Variants in SERPINE2 observed in about 807,000 individuals in gnomAD.
The protein encoded by SERPINE2 is glia-derived nexin.
SERPINE2 carries 14 observed loss-of-function variants against 36.3 expected under a neutral mutation model. The observed-to-expected ratio is 0.39, with a 90% CI of 0.25 to 0.60. SERPINE2 has a LOEUF of 0.60. SERPINE2 is among the 20% of genes least tolerant of loss of function. SERPINE2 has a pLI of 0.57. For synonymous variants in SERPINE2, 192 were observed against 191.8 expected (o/e 1.00, Z -0.01); for missense variants, 418 against 499.6 (o/e 0.84, Z 1.56).
chr2:224,007,585 T>A lies in SERPINE2; in HGVS notation c.-22-5663A>T, dbSNP rs147451822. On this transcript the variant is annotated intron_variant, in intron 1 of 8. Coordinates refer to ENST00000409304, the MANE Select transcript of SERPINE2 (RefSeq NM_001136528.2). Reference sequence around the variant, plus strand: ...GGATTTAAAATAGATATCCATGACATCATTATCACACCGCAAAATAACTCC... The same window carrying A: ...GGATTTAAAATAGATATCCATGACAACATTATCACACCGCAAAATAACTCC... Among the ~76,000 whole-genome samples the A allele has an allele frequency of 4.5e-3, 685 of 152,300 alleles. 5 individuals are homozygous for A. The highest frequency in any genetic ancestry group is 0.012 in the African/African-American group (510 of 41,552).
rs1380675632 is a variant in SERPINE2, at chr2:223,998,311, C to T, written c.291G>A (p.Lys97=). ...CTTTATTCTTCTTGGAGACGATGGC[C>T]TTGTTGATCTTCTTTAATATTTTAC... ...GVGKILKKIN[K]AIVSKKNKDI... is the part of the protein sequence containing the mutation. The change falls in exon 3 of 9, where the codon AAG becomes AAA. Residue 97 remains lysine, a synonymous_variant. Coordinates refer to ENST00000409304, the MANE Select transcript of SERPINE2 (RefSeq NM_001136528.2). The T allele has an allele frequency of 6.2e-7, 1 of 1,613,742 alleles. No individual in the cohort carries two copies. The highest frequency in any genetic ancestry group is 8.5e-7 in the Non-Finnish European group (1 of 1,179,628).
chr2:224,004,535 A>T (rs775495495), intron 1 of SERPINE2, among the ~76,000 whole-genome samples: 3 of 152,166 alleles, frequency 2.0e-5, no homozygotes. Flanking sequence ...CTCTAATGCC[A>T]CGACAATCCC....
Position 224,022,334 on chromosome 2 carries a change from G to GA in SERPINE2, c.-23+16764dup, listed in dbSNP as rs11283961. ...GTGATAGAGTGAGACCCTGTCTCAAGAAAAAAAAAAAAAAAAAATTTAAAG... is the reference window on the plus strand; with the variant it reads ...GTGATAGAGTGAGACCCTGTCTCAAGAAAAAAAAAAAAAAAAAAATTTAAAG... On this transcript the variant is annotated intron_variant, in intron 1 of 8. Transcript: ENST00000409304. 1.8e-4 allele frequency among the ~76,000 whole-genome samples: 22 copies of GA among 123,488 alleles called. No individual in the cohort carries two copies. The East Asian group carries it at 1.9e-3, about 11-fold the overall frequency. The allele number at this position is 123,488 out of a possible 152,430, so 81.0% of individuals were successfully genotyped here.
intron 1 of SERPINE2, chr2:224,030,842 G>T: frequency 2.3e-6 from 1 of 430,794 alleles, no homozygotes; most frequent in African/African-American, 2.1e-5. Flanking sequence ...TTATTCGCTT[G>T]GACTCTTGTG....
chr2:223,982,120 T>A (rs1193265307), intron 6 of SERPINE2: 1 of 149,890 alleles, frequency 6.7e-6, no homozygotes, highest in Non-Finnish European at 1.5e-5. Flanking sequence ...TATGTACACA[T>A]CATGGAATAC....
intron 2 of SERPINE2, 70 bp from the exon 3 acceptor site, chr2:223,998,412 G>A: frequency 8.2e-7 from 1 of 1,225,896 alleles, no homozygotes; most frequent in Non-Finnish European, 1.2e-6. Flanking sequence ...AATCTTTTAT[G>A]TTGCAGCAAG....
chr2:224,037,870 G>A (rs1453638362), intron 1 of SERPINE2, among the ~76,000 whole-genome samples: 1 of 152,132 alleles, frequency 6.6e-6, no homozygotes, highest in East Asian at 1.9e-4. Context: ...GCCCTGCATG[G>A]TACGATATTT....
In SERPINE2 at chr2:223,998,314, G is replaced by A. The variant is rs146543556; in HGVS notation, c.288C>T (p.Asn96=). ...TATTCTTCTTGGAGACGATGGCCTTGTTGATCTTCTTTAATATTTTACCAA... is the reference window on the plus strand; with the variant it reads ...TATTCTTCTTGGAGACGATGGCCTTATTGATCTTCTTTAATATTTTACCAA... The part of the protein sequence containing the change: ...NGVGKILKKI[N]KAIVSKKNKD... Residue 96 remains asparagine (N), a synonymous_variant, in exon 3 of 9, where the codon AAC becomes AAT. Coordinates refer to ENST00000409304, the MANE Select transcript of SERPINE2 (RefSeq NM_001136528.2). 4 of 1,613,642 alleles carry A rather than the reference G, an allele frequency of 2.5e-6. No homozygotes were observed. Among genetic ancestry groups the A allele is most frequent in the Non-Finnish European group, 3.4e-6 (4 of 1,179,510 alleles).
chr2:224,025,956 G>T (rs189863803), intron 1 of SERPINE2, among the ~76,000 whole-genome samples: 5 of 152,208 alleles, frequency 3.3e-5, no homozygotes, highest in African/African-American at 1.2e-4. Context: ...CTTGCCAACC[G>T]CAGAGCTGGG....
Position 224,024,127 on chromosome 2 carries a change from T to C in SERPINE2, c.-23+14972A>G, listed in dbSNP as rs561068402. Among the ~76,000 whole-genome samples, 4 of 152,236 alleles carry C rather than the reference T, an allele frequency of 2.6e-5. No individual in the cohort carries two copies. In the East Asian group the frequency reaches 7.7e-4, roughly 29 times the overall value. On this transcript the variant is annotated intron_variant, in intron 1 of 8. Transcript: ENST00000409304. ...ACAAGGTATAGAAATACTTCTAAAGTAGGAAAAGGGAATGAGGGATGGGGA... is the reference window on the plus strand; with the variant it reads ...ACAAGGTATAGAAATACTTCTAAAGCAGGAAAAGGGAATGAGGGATGGGGA...
At chr2:224,015,053 C>G (rs2106184154) in intron 1 of SERPINE2, among the ~76,000 whole-genome samples, 1 of 148,792 alleles carries the variant, frequency 6.7e-6, no homozygotes, top group East Asian at 2.0e-4. Flanking sequence ...AGGTGGGGGC[C>G]AGGGAGGGTG....
At chr2:223,998,457 C>A in intron 2 of SERPINE2, 115 bp from the exon 3 acceptor site, 1 of 709,618 alleles carries the variant, frequency 1.4e-6, no homozygotes, top group South Asian at 1.9e-5. Flanking sequence ...GTGGCTCACA[C>A]CTGTAATCCC....
At chr2:223,998,819 G>C (rs906460595) in intron 2 of SERPINE2, among the ~76,000 whole-genome samples, 2 of 152,118 alleles carry the variant, frequency 1.3e-5, no homozygotes, top group African/African-American at 4.8e-5. Context: ...GGAGGGAGTG[G>C]GGTTAAAGTC....
chr2:224,018,746 T>G (rs1691885186), intron 1 of SERPINE2, among the ~76,000 whole-genome samples: 1 of 152,184 alleles, frequency 6.6e-6, no homozygotes, highest in African/African-American at 2.4e-5. Flanking sequence ...CCACCAACTG[T>G]TCATCCAAGA....
At position 224,011,403 on chromosome 2, in the gene SERPINE2, C is replaced by T. The variant is rs116574128; in HGVS notation, c.-22-9481G>A. On this transcript the variant is annotated intron_variant, in intron 1 of 8. Coordinates refer to ENST00000409304, the MANE Select transcript of SERPINE2 (RefSeq NM_001136528.2). ...ATTGGTAAAAATACATAAAATACAA[C>T]CATGAATTCTTAAACATGTCAATAA... Among the ~76,000 whole-genome samples, 571 of 152,272 alleles carry T rather than the reference C, an allele frequency of 3.7e-3. 3 individuals are homozygous for T. The highest frequency in any genetic ancestry group is 0.013 in the African/African-American group (536 of 41,568).
At chr2:223,991,736 T>G in intron 4 of SERPINE2, 67 bp downstream of exon 4, 2 of 1,503,232 alleles carry the variant, frequency 1.3e-6, no homozygotes, top group Non-Finnish European at 1.8e-6. Flanking sequence ...GGAATTAAGT[T>G]AAAGCACTCA....
chr2:224,031,545 G>A (rs1011722460), intron 1 of SERPINE2: 19 of 978,006 alleles, frequency 1.9e-5, no homozygotes, highest in South Asian at 4.7e-5. Context: ...ATTGGTACAC[G>A]GAAGGGCATG....
At chr2:224,013,533 TA>T (rs1236442018) in intron 1 of SERPINE2, among the ~76,000 whole-genome samples, 2 of 152,280 alleles carry the variant, frequency 1.3e-5, no homozygotes, top group Non-Finnish European at 2.9e-5. Context: ...GGTAACTGGA[TA>T]AAATTGGTTT....
chr2:223,977,755 A>G, intron 7 of SERPINE2, 128 bp from the exon 8 acceptor site: 1 of 674,462 alleles, frequency 1.5e-6, no homozygotes, highest in South Asian at 1.6e-5. Context: ...TGCTTGTTCC[A>G]TAGGCTGGCC....
Sources: allele counts gnomAD v4.1 joint callset (sites outside exome capture counted in the v4.1 genomes callset), GRCh38; gene constraint gnomAD v4.1.1; transcripts MANE v1.5; gene names NCBI Gene and HGNC (gene_info 2026-07-23, HGNC 2026-07-21).